TSPAN5: variants seen among roughly 807,000 people sequenced by gnomAD.
TSPAN5 encodes the protein tetraspanin-5.
Under a neutral mutation model 37.1 loss-of-function variants are expected in TSPAN5, and 10 were observed. That is an observed-to-expected ratio of 0.27 (90% CI 0.17 to 0.46). The LOEUF is 0.46. Ranked by LOEUF, TSPAN5 falls within the 20% of genes least tolerant of loss-of-function variation. The probability of loss-of-function intolerance (pLI) is 1.00; values close to 1 mark genes in which losing one functional copy is unlikely to be tolerated. For synonymous variants in TSPAN5, 110 were observed against 118.9 expected (o/e 0.93, Z 0.48); for missense variants, 195 against 326.6 (o/e 0.60, Z 3.11).
At chr4:98,546,132 A>G (rs1263985680) in intron 1 of TSPAN5, among the ~76,000 whole-genome samples, 1 of 152,204 alleles carries the variant, frequency 6.6e-6, no homozygotes, top group Admixed American at 6.5e-5. Flanking sequence ...AGAAGGGCAA[A>G]CTGATTCAGA....
chr4:98,527,784 C>T (rs545596942), intron 1 of TSPAN5, among the ~76,000 whole-genome samples: 10 of 152,076 alleles, frequency 6.6e-5, no homozygotes, highest in African/African-American at 1.4e-4. Context: ...GTTAAAAGCC[C>T]GGATGTCATC....
intron 1 of TSPAN5, among the ~76,000 whole-genome samples, chr4:98,631,069 G>GT (rs1756735448): frequency 6.6e-6 from 1 of 152,180 alleles, no homozygotes; most frequent in Non-Finnish European, 1.5e-5. Flanking sequence ...AAAAAATCAT[G>GT]TAATTCTGAT....
intron 2 of TSPAN5, among the ~76,000 whole-genome samples, chr4:98,487,449 C>T (rs1486367338): frequency 6.6e-6 from 1 of 152,168 alleles, no homozygotes; most frequent in Non-Finnish European, 1.5e-5. Context: ...ACCCAATTCA[C>T]GCAGAAGTTA....
chr4:98,564,406 T>C (rs1754950920), intron 1 of TSPAN5, among the ~76,000 whole-genome samples: 1 of 152,242 alleles, frequency 6.6e-6, no homozygotes. Context: ...TTGATTATTG[T>C]TCTCCTACAT....
chr4:98,629,400 A>G (rs1756692681), intron 1 of TSPAN5, among the ~76,000 whole-genome samples: 1 of 152,228 alleles, frequency 6.6e-6, no homozygotes, highest in South Asian at 2.1e-4. Context: ...TGATACATAC[A>G]AACAGCACTT....
intron 1 of TSPAN5, among the ~76,000 whole-genome samples, chr4:98,532,080 ATT>A (rs1292024101): frequency 6.6e-6 from 1 of 152,114 alleles, no homozygotes; most frequent in Non-Finnish European, 1.5e-5. Context: ...CCATTTGTCT[ATT>A]TTGGCTTTTG....
chr4:98,519,124 T>C (rs915306753), intron 1 of TSPAN5, among the ~76,000 whole-genome samples: 2 of 151,984 alleles, frequency 1.3e-5, no homozygotes, highest in African/African-American at 4.8e-5. Flanking sequence ...CGCAGCAAGA[T>C]GGAGACAGCA....
Position 98,658,286 on chromosome 4 carries a change from T to G in TSPAN5, c.-60A>C. The G allele has an allele frequency of 7.1e-7, 1 of 1,405,314 alleles. No homozygotes were observed. The highest frequency in any genetic ancestry group is 1.0e-6 in the Non-Finnish European group (1 of 990,138). The allele number at this position is 1,405,314 out of a possible 1,614,324, so 87.1% of individuals were successfully genotyped here. A position where few individuals can be genotyped will look rare whatever the true frequency, so the allele number is the denominator to read the frequency against. On this transcript the variant is annotated 5_prime_UTR_variant, in exon 1 of 8. Coordinates refer to ENST00000305798, the MANE Select transcript of TSPAN5 (RefSeq NM_005723.4). ...CCGAGTTTGGAGCTCCGAAGCACCG[T>G]TGCTCGGAGCAGCCCGGCGGGGAGC...
chr4:98,479,617 T>C (rs1368010306), intron 4 of TSPAN5, among the ~76,000 whole-genome samples: 1 of 152,184 alleles, frequency 6.6e-6, no homozygotes, highest in African/African-American at 2.4e-5. Context: ...GGGCTATAAA[T>C]GCCCTCATCT....
At position 98,529,721 on chromosome 4, in the gene TSPAN5, C is replaced by T. The variant is rs372324975; in HGVS notation, c.82-21993G>A. Among the ~76,000 whole-genome samples the T allele has an allele frequency of 1.4e-3, 210 of 152,332 alleles. 1 individual carries two copies. Among genetic ancestry groups the T allele is most frequent in the African/African-American group, 4.8e-3 (199 of 41,570 alleles). On this transcript the variant is annotated intron_variant, in intron 1 of 7. Transcript: ENST00000305798. ...CTATTGGCAATACAGTTTCTCCTCA[C>T]TGCGTCTCAGAACTTGGGGATTCAG...
At chr4:98,556,549 C>T (rs1019888188) in intron 1 of TSPAN5, among the ~76,000 whole-genome samples, 3 of 152,176 alleles carry the variant, frequency 2.0e-5, no homozygotes, top group Admixed American at 2.0e-4. Flanking sequence ...CCTAAACTTG[C>T]GTGTTCTCAA....
At chr4:98,517,187 A>C (rs1281364062) in intron 1 of TSPAN5, among the ~76,000 whole-genome samples, 5 of 152,338 alleles carry the variant, frequency 3.3e-5, no homozygotes, top group Admixed American at 3.3e-4. Context: ...ATGCTCTGGC[A>C]GAGGGAAATT....
At chr4:98,522,158 C>T (rs908053081) in intron 1 of TSPAN5, among the ~76,000 whole-genome samples, 4 of 152,310 alleles carry the variant, frequency 2.6e-5, no homozygotes, top group South Asian at 2.1e-4. Context: ...TACACGCTCC[C>T]GTGGCCTATG....
At chr4:98,553,041 A>G (rs1754658756) in intron 1 of TSPAN5, among the ~76,000 whole-genome samples, 1 of 152,226 alleles carries the variant, frequency 6.6e-6, no homozygotes, top group South Asian at 2.1e-4. Context: ...AATTTTCTTG[A>G]CACCTCCATG....
chr4:98,523,275 T>G (rs1753894510), intron 1 of TSPAN5, among the ~76,000 whole-genome samples: 1 of 152,180 alleles, frequency 6.6e-6, no homozygotes, highest in South Asian at 2.1e-4. Flanking sequence ...GCGTCCCTTA[T>G]TTCCTCTGGT....
chr4:98,521,212 G>A (rs1394127985), intron 1 of TSPAN5, among the ~76,000 whole-genome samples: 1 of 152,214 alleles, frequency 6.6e-6, no homozygotes, highest in Non-Finnish European at 1.5e-5. Context: ...TTACAGGTGT[G>A]AGCCACCTTA....
intron 2 of TSPAN5, among the ~76,000 whole-genome samples, chr4:98,504,108 A>T (rs1474754175): frequency 1.3e-5 from 2 of 152,230 alleles, no homozygotes; most frequent in African/African-American, 4.8e-5. Context: ...TTTGCTTTCA[A>T]TGCTTCTGTA....
intron 1 of TSPAN5, among the ~76,000 whole-genome samples, chr4:98,575,652 T>C (rs1326430731): frequency 6.6e-6 from 1 of 151,930 alleles, no homozygotes; most frequent in African/African-American, 2.4e-5. Flanking sequence ...TCCTTATTTA[T>C]AATATTCAAC....
chr4:98,568,767 T>C (rs959181930), intron 1 of TSPAN5, among the ~76,000 whole-genome samples: 1 of 152,174 alleles, frequency 6.6e-6, no homozygotes, highest in Non-Finnish European at 1.5e-5. Context: ...AGCCAAGACA[T>C]GCAAAATCAT....
Sources: allele counts gnomAD v4.1 joint callset (sites outside exome capture counted in the v4.1 genomes callset), GRCh38; gene constraint gnomAD v4.1.1; transcripts MANE v1.5; gene names NCBI Gene and HGNC (gene_info 2026-07-23, HGNC 2026-07-21).